Variants in ASAP2 observed in about 807,000 individuals in gnomAD.
ASAP2 encodes the protein arf-GAP with SH3 domain, ANK repeat and PH domain-containing protein 2.
In ASAP2, 45 loss-of-function variants were observed where a neutral mutation model predicts 131.4. That is an observed-to-expected ratio of 0.34 (90% CI 0.27 to 0.44). The LOEUF (loss-of-function observed/expected upper bound fraction) is 0.44, where lower values mean the gene tolerates loss of function less well. ASAP2 is among the 20% of genes least tolerant of loss of function. The probability of loss-of-function intolerance (pLI) is 1.00; values close to 1 mark genes in which losing one functional copy is unlikely to be tolerated. For synonymous variants in ASAP2, 510 were observed against 503.0 expected (o/e 1.01, Z -0.19); for missense variants, 1,011 against 1,297.0 (o/e 0.78, Z 3.39).
intron 21 of ASAP2, 72 bp from the exon 22 acceptor site, chr2:9,388,222 C>G (rs1032689991): frequency 9.5e-6 from 15 of 1,585,612 alleles, no homozygotes; most frequent in Non-Finnish European, 1.3e-5. Flanking sequence ...GTTTTCACCC[C>G]TGTGTTGAAT....
chr2:9,400,940 G>GA, intron 26 of ASAP2, 110 bp downstream of exon 26: 3 of 1,166,660 alleles, frequency 2.6e-6, no homozygotes, highest in South Asian at 1.4e-5. Flanking sequence ...GGCTGGGGCA[G>GA]GGCGGGGCTC....
chr2:9,207,117 A>G lies in ASAP2; in HGVS notation c.13A>G (p.Ile5Val). 1 of 1,594,716 alleles carries G rather than the reference A, an allele frequency of 6.3e-7. No individual in the cohort carries two copies. Among genetic ancestry groups the G allele is most frequent in the Non-Finnish European group, 8.5e-7 (1 of 1,171,644 alleles). The change falls in exon 1 of 28, where the codon ATC becomes GTC. Residue 5 changes from isoleucine (I) to valine (V), a missense_variant. Physicochemically the swap from Ile to Val is conservative, Grantham distance 29. This residue lies in a region of ASAP2 where 359 missense variants were observed against 598.1 expected (regional missense o/e 0.60). Coordinates refer to ENST00000281419, the MANE Select transcript of ASAP2 (RefSeq NM_003887.3). This position sits in a 1 kb window ranked among gnomAD's most constrained non-coding sequence, Gnocchi z 4.1. ...TCGCGCCGAGGCGATGCCGGACCAG[A>G]TCTCCGTGTCGGAATTCGTGGCCGA... MPDQ[I>V]SVSEFVAETH...
intron 1 of ASAP2, among the ~76,000 whole-genome samples, chr2:9,277,095 G>A (rs968176517): frequency 3.3e-5 from 5 of 152,196 alleles, no homozygotes; most frequent in African/African-American, 7.2e-5. Context: ...TAGGCTGCAC[G>A]GTCACAGATC....
At chr2:9,215,187 G>A (rs371415354) in intron 1 of ASAP2, among the ~76,000 whole-genome samples, 2 of 152,152 alleles carry the variant, frequency 1.3e-5, no homozygotes, top group African/African-American at 2.4e-5. Context: ...CAGTATTTAT[G>A]TGTGGTATTT....
intron 2 of ASAP2, among the ~76,000 whole-genome samples, chr2:9,286,556 ATTG>A (rs1048035742): frequency 1.3e-5 from 2 of 152,136 alleles, no homozygotes; most frequent in South Asian, 2.1e-4. Context: ...ACTCTGCTCC[ATTG>A]TTGTGGCACT....
intron 3 of ASAP2, among the ~76,000 whole-genome samples, chr2:9,315,238 A>G (rs768433288): frequency 6.6e-6 from 1 of 152,224 alleles, no homozygotes; most frequent in Non-Finnish European, 1.5e-5. Flanking sequence ...ACAACCCCAG[A>G]CAAGCCTGCC....
At position 9,381,638 on chromosome 2, in the gene ASAP2, A is replaced by G. The variant is rs59324084; in HGVS notation, c.2016+830A>G. Among the ~76,000 whole-genome samples, 131 of 152,348 alleles carry G rather than the reference A, an allele frequency of 8.6e-4. 4 individuals are homozygous for G. The South Asian group carries it at 0.012, about 14-fold the overall frequency. ...GTAGCCCCAGTTACCCAGGAGGCTAAGGTAGGAGGATCACTTTGAGACCAG... is the reference window on the plus strand; with the variant it reads ...GTAGCCCCAGTTACCCAGGAGGCTAGGGTAGGAGGATCACTTTGAGACCAG... On this transcript the variant is annotated intron_variant, in intron 20 of 27. Coordinates refer to ENST00000281419, the MANE Select transcript of ASAP2 (RefSeq NM_003887.3).
At chr2:9,225,165 AC>A (rs1335478783) in intron 1 of ASAP2, among the ~76,000 whole-genome samples, 2 of 152,178 alleles carry the variant, frequency 1.3e-5, no homozygotes, top group African/African-American at 4.8e-5. Flanking sequence ...TGCAACAGAG[AC>A]CGTGTATATG....
chr2:9,234,350 A>T (rs1054668176), intron 1 of ASAP2, among the ~76,000 whole-genome samples: 1 of 152,182 alleles, frequency 6.6e-6, no homozygotes, highest in Non-Finnish European at 1.5e-5. Context: ...TCAGTGAGAA[A>T]ACCCGGGGAG....
rs1390110080 is a variant in ASAP2 at position 9,206,969 on chromosome 2, C to G, written c.-136C>G. The G allele has an allele frequency of 2.3e-6, 2 of 874,808 alleles. No individual in the cohort carries two copies. The highest frequency in any genetic ancestry group is 3.7e-5 in the African/African-American group (2 of 54,700). 54.2% of individuals were successfully genotyped at this position (874,808 alleles called of 1,614,324 possible). ...GCCGCCAGGCCCCGCGCGGCTCCCG[C>G]GCCCGGCGCTCCCCTTTGTCCGCGG... On this transcript the variant is annotated 5_prime_UTR_variant, in exon 1 of 28. Transcript: ENST00000281419. The surrounding 1 kb of genome is among the most constrained non-coding windows in gnomAD (Gnocchi z 4.0).
chr2:9,227,528 T>C (rs1662861757), intron 1 of ASAP2, among the ~76,000 whole-genome samples: 2 of 152,338 alleles, frequency 1.3e-5, no homozygotes, highest in South Asian at 4.1e-4. Flanking sequence ...CAAACGCTAT[T>C]CGGGTGGGAC....
intron 4 of ASAP2, among the ~76,000 whole-genome samples, chr2:9,319,986 CCCAGGGCAG>C (rs951087316): frequency 2.6e-5 from 4 of 152,166 alleles, no homozygotes; most frequent in African/African-American, 9.7e-5. Flanking sequence ...TCAGATTAGG[CCCAGGGCAG>C]GGAGTAGGGC....
chr2:9,238,298 T>G (rs543475084), intron 1 of ASAP2, among the ~76,000 whole-genome samples: 4 of 152,362 alleles, frequency 2.6e-5, no homozygotes, highest in African/African-American at 7.2e-5. Context: ...ACTTAGTTCC[T>G]CTTTCTGGAG....
chr2:9,239,539 G>A (rs1306834512), intron 1 of ASAP2, among the ~76,000 whole-genome samples: 4 of 152,096 alleles, frequency 2.6e-5, no homozygotes, highest in African/African-American at 9.7e-5. Context: ...ATAGGTGTAG[G>A]TACCATTTTC....
At chr2:9,367,828 C>A (rs1255551004) in intron 15 of ASAP2, among the ~76,000 whole-genome samples, 2 of 152,240 alleles carry the variant, frequency 1.3e-5, no homozygotes, top group African/African-American at 2.4e-5. Context: ...AAAGACCTTA[C>A]ATCTGGAGCT....
chr2:9,372,171 G>T (rs775563836), intron 16 of ASAP2, among the ~76,000 whole-genome samples: 1 of 152,170 alleles, frequency 6.6e-6, no homozygotes, highest in Non-Finnish European at 1.5e-5. Context: ...GATTGAAAGT[G>T]CATGAAACTG....
intron 9 of ASAP2, among the ~76,000 whole-genome samples, chr2:9,342,571 A>T (rs1022738504): frequency 2.0e-5 from 3 of 152,278 alleles, no homozygotes; most frequent in African/African-American, 7.2e-5. Context: ...ATTTATAAGT[A>T]TAAATCTTCA....
rs1220951999 is a variant in ASAP2, at chr2:9,401,390, G to A, written c.2940G>A (p.Glu980=). 1.9e-6 allele frequency: 3 copies of A among 1,613,330 alleles called. No homozygotes were observed. In the African/African-American group the frequency reaches 4.0e-5, roughly 22 times the overall value. Residue 980 remains glutamate, a synonymous_variant, in exon 27 of 28, where the codon GAG becomes GAA. Transcript: ENST00000281419. ...TCGTGGACGGGGAGGAGGACCAGGA[G>A]TGGTGGGTGAGTCAAGGGTGGGCCT... ...VIIVDGEEDQ[E]WWIGHIDGDP...
At chr2:9,312,678 G>A (rs116285991) in intron 3 of ASAP2, among the ~76,000 whole-genome samples, 3,636 of 152,076 alleles carry the variant, frequency 0.024, 107 homozygotes, top group African/African-American at 0.077. Context: ...TTTCCACTTG[G>A]TAGTTTACTT....
Sources: gnomAD v4.1 joint callset for allele counts (sites outside exome capture counted in the v4.1 genomes callset) on GRCh38, gnomAD v4.1.1 for gene constraint, gnomAD v4.1.1 regional missense constraint, Gnocchi (gnomAD v3.1) non-coding constraint, MANE v1.5 for transcripts, NCBI Gene and HGNC (gene_info 2026-07-23, HGNC 2026-07-21) for gene names.